FBXW11: variants seen among roughly 807,000 people sequenced by gnomAD.
The protein encoded by FBXW11 is F-box and WD repeat domain containing 11.
A neutral mutation model predicts 77.6 loss-of-function variants in FBXW11; 19 were observed. The ratio of observed to expected loss-of-function variants is 0.24; its 90% CI spans 0.17 to 0.36. FBXW11 has a LOEUF of 0.36. FBXW11 is among the 10% of genes least tolerant of loss of function. The probability of loss-of-function intolerance (pLI) is 1.00; values close to 1 mark genes in which losing one functional copy is unlikely to be tolerated. For missense variants in FBXW11, 334 were observed against 704.2 expected (o/e 0.47, Z 5.95); for synonymous variants, 235 against 249.4 (o/e 0.94, Z 0.54).
intron 7 of FBXW11, 112 bp downstream of exon 7, chr5:171,891,355 T>C: frequency 1.0e-6 from 1 of 969,542 alleles, no homozygotes; most frequent in Non-Finnish European, 1.5e-6. Context: ...GCTGCCAAGA[T>C]TGAGTGGAAG....
chr5:171,934,567 C>T (rs957623169), intron 2 of FBXW11, among the ~76,000 whole-genome samples: 11 of 151,212 alleles, frequency 7.3e-5, no homozygotes, highest in African/African-American at 2.4e-4. Context: ...GTTACAGCTA[C>T]TTGGGAGGCT....
At chr5:171,923,807 C>G (rs1447033667) in intron 2 of FBXW11, among the ~76,000 whole-genome samples, 1 of 149,172 alleles carries the variant, frequency 6.7e-6, no homozygotes, top group Non-Finnish European at 1.5e-5. Flanking sequence ...AAAATGGCGG[C>G]AATTTTCCTG....
chr5:171,988,335 A>G (rs1765554463), intron 1 of FBXW11, among the ~76,000 whole-genome samples: 1 of 145,390 alleles, frequency 6.9e-6, no homozygotes, highest in Admixed American at 6.7e-5. Context: ...CCAAGGGAAA[A>G]CAAACAAACA....
intron 2 of FBXW11, among the ~76,000 whole-genome samples, chr5:171,920,860 A>C: frequency 6.6e-6 from 1 of 152,318 alleles, no homozygotes; most frequent in Non-Finnish European, 1.5e-5. Context: ...TCGCCCTGGG[A>C]AACGAATGCA....
chr5:171,925,226 A>G (rs1761827330), intron 2 of FBXW11, among the ~76,000 whole-genome samples: 1 of 152,226 alleles, frequency 6.6e-6, no homozygotes, highest in African/African-American at 2.4e-5. Flanking sequence ...CATTTCTTAC[A>G]TTGAAAACCC....
At position 171,868,831 on chromosome 5, in the gene FBXW11, T is replaced by C. The variant is rs754221428; in HGVS notation, c.1531-35A>G. 5.7e-6 allele frequency: 9 copies of C among 1,587,336 alleles called. No individual in the cohort carries two copies. The African/African-American group carries it at 9.5e-5, about 17-fold the overall frequency. On this transcript the variant is annotated intron_variant, in intron 12 of 13. Coordinates refer to ENST00000517395, the MANE Select transcript of FBXW11 (RefSeq NM_001378974.1). ...ACAAAACTTCATGAATAAAATGAGA[T>C]CTTTACAGCCCCTGATATCTCACAA... is the stretch of plus-strand genomic sequence containing the variant.
chr5:171,998,511 T>G (rs1022461943), intron 1 of FBXW11, among the ~76,000 whole-genome samples: 1 of 151,394 alleles, frequency 6.6e-6, no homozygotes, highest in African/African-American at 2.4e-5. Context: ...CAAAACACAT[T>G]ATAGGCTGGG....
chr5:171,976,768 C>T lies in FBXW11; in HGVS notation c.46-19070G>A, dbSNP rs139469698. Reference sequence around the variant, plus strand: ...AGCTCTAAGACATAAATCTCTGGGCCGGGTGTGGTCGTTCACGCCTGTAAC... The same window carrying T: ...AGCTCTAAGACATAAATCTCTGGGCTGGGTGTGGTCGTTCACGCCTGTAAC... On this transcript the variant is annotated intron_variant, in intron 1 of 13. Transcript: ENST00000517395. Among the ~76,000 whole-genome samples the T allele has an allele frequency of 7.6e-4, 116 of 152,096 alleles. 1 individual carries two copies. The highest frequency in any genetic ancestry group is 2.7e-3 in the African/African-American group (110 of 41,494).
intron 2 of FBXW11, among the ~76,000 whole-genome samples, chr5:171,936,109 TAAAAAAAAAA>T (rs61349170): frequency 6.7e-5 from 4 of 59,344 alleles, no homozygotes; most frequent in African/African-American, 2.0e-4. Context: ...AGACTCCATC[TAAAAAAAAAA>T]AAAAAAAAAA....
At chr5:171,901,231 C>T (rs148966219) in intron 4 of FBXW11, among the ~76,000 whole-genome samples, 2 of 152,296 alleles carry the variant, frequency 1.3e-5, no homozygotes, top group East Asian at 1.9e-4. Context: ...ATTTTATAGA[C>T]AAGCACTCTA....
In FBXW11 at chr5:171,876,945, G is replaced by A. The variant is rs1455124959; in HGVS notation, c.972-411C>T. Among the ~76,000 whole-genome samples, 6 of 152,196 alleles carry A rather than the reference G, an allele frequency of 3.9e-5. No homozygotes were observed. Among genetic ancestry groups the A allele is most frequent in the Admixed American group, 3.9e-4 (6 of 15,280 alleles). On this transcript the variant is annotated intron_variant, in intron 8 of 13. Transcript: ENST00000517395. The surrounding 1 kb of genome is among the most constrained non-coding windows in gnomAD (Gnocchi z 4.2). Reference sequence around the variant, plus strand: ...AGATGCTGGTGCCATGCTTCTTGCAGAGCCTGCAGAACCATGAGTCAAATA... The same window carrying A: ...AGATGCTGGTGCCATGCTTCTTGCAAAGCCTGCAGAACCATGAGTCAAATA...
intron 2 of FBXW11, among the ~76,000 whole-genome samples, chr5:171,919,008 T>A (rs1412221148): frequency 6.6e-6 from 1 of 152,166 alleles, no homozygotes; most frequent in African/African-American, 2.4e-5. Flanking sequence ...TCCTTAGCCA[T>A]CTTTCCTTGG....
chr5:171,913,337 A>T (rs748580583), intron 3 of FBXW11, among the ~76,000 whole-genome samples: 11 of 152,216 alleles, frequency 7.2e-5, no homozygotes, highest in Non-Finnish European at 1.6e-4. Context: ...TAACTAGTTG[A>T]CTGAAAGATA....
At position 171,862,195 on chromosome 5, in the gene FBXW11, G is replaced by A. The variant is rs1207291466; in HGVS notation, c.*1932C>T. ...AGCTGTAGGATGAAAAGTGGTCAAAGCTAAATCACTTTCACAACCACCATC... is the reference window on the plus strand; with the variant it reads ...AGCTGTAGGATGAAAAGTGGTCAAAACTAAATCACTTTCACAACCACCATC... On this transcript the variant is annotated 3_prime_UTR_variant, in exon 14 of 14. Transcript: ENST00000517395. The A allele has an allele frequency of 1.3e-5, 2 of 152,408 alleles. No individual in the cohort carries two copies. Among genetic ancestry groups the A allele is most frequent in the African/African-American group, 4.8e-5 (2 of 41,394 alleles). 9.4% of individuals were successfully genotyped at this position (152,408 alleles called of 1,614,324 possible).
intron 1 of FBXW11, among the ~76,000 whole-genome samples, chr5:171,992,530 AAAAG>A (rs1765802915): frequency 1.3e-5 from 2 of 152,182 alleles, no homozygotes; most frequent in South Asian, 4.2e-4. Flanking sequence ...GAGAAAAAGA[AAAAG>A]AAGGAAAGGA....
intron 2 of FBXW11, among the ~76,000 whole-genome samples, chr5:171,945,985 C>T (rs1384542577): frequency 6.6e-6 from 1 of 152,116 alleles, no homozygotes; most frequent in Non-Finnish European, 1.5e-5. Context: ...AATCTATTAG[C>T]AGATATTGGT....
At chr5:171,898,176 G>A (rs143957927) in intron 6 of FBXW11, among the ~76,000 whole-genome samples, 1,762 of 152,210 alleles carry the variant, frequency 0.012, 11 homozygotes, top group Middle Eastern at 0.02. Flanking sequence ...ATGTTTCTCC[G>A]TTAATGAATT....
At chr5:171,984,698 G>C (rs1047549400) in intron 1 of FBXW11, among the ~76,000 whole-genome samples, 9 of 152,096 alleles carry the variant, frequency 5.9e-5, no homozygotes, top group African/African-American at 2.2e-4. Flanking sequence ...CATGCAGCAA[G>C]CTCCTTAAAA....
intron 1 of FBXW11, among the ~76,000 whole-genome samples, chr5:171,991,881 G>C (rs377691754): frequency 6.6e-6 from 1 of 151,630 alleles, no homozygotes; most frequent in South Asian, 2.1e-4. Context: ...TTGGGAGGCC[G>C]AGGTGGGAGG....
Sources: gnomAD v4.1 joint callset for allele counts (sites outside exome capture counted in the v4.1 genomes callset) on GRCh38, gnomAD v4.1.1 for gene constraint, Gnocchi (gnomAD v3.1) non-coding constraint, MANE v1.5 for transcripts, NCBI Gene and HGNC (gene_info 2026-07-23, HGNC 2026-07-21) for gene names.